SGCD: variants seen among roughly 807,000 people sequenced by gnomAD.
SGCD encodes sarcoglycan delta.
A neutral mutation model predicts 36.6 loss-of-function variants in SGCD; 18 were observed. The ratio of observed to expected loss-of-function variants is 0.49; its 90% CI spans 0.34 to 0.73. SGCD has a LOEUF of 0.73. SGCD is among the 30% of genes least tolerant of loss of function. The probability of loss-of-function intolerance (pLI) is 0.01; values close to 1 mark genes in which losing one functional copy is unlikely to be tolerated. For synonymous variants in SGCD, 133 were observed against 130.6 expected (o/e 1.02, Z -0.12); for missense variants, 387 against 346.7 (o/e 1.12, Z -0.92).
At chr5:156,728,163 C>T (rs73304925) in intron 7 of SGCD, among the ~76,000 whole-genome samples, 5,686 of 152,222 alleles carry the variant, frequency 0.037, 349 homozygotes, top group African/African-American at 0.13. Context: ...TCTCAGAGTC[C>T]ATTCTGAAAC....
intron 1 of SGCD, among the ~76,000 whole-genome samples, chr5:156,112,816 G>A (rs1005908304): frequency 2.6e-5 from 4 of 152,258 alleles, no homozygotes; most frequent in Non-Finnish European, 2.9e-5. Context: ...CCATACTGAG[G>A]TGATGAGGCT....
At chr5:156,275,182 A>G (rs1766283925) in intron 3 of SGCD, among the ~76,000 whole-genome samples, 1 of 152,114 alleles carries the variant, frequency 6.6e-6, no homozygotes, top group Admixed American at 6.6e-5. Context: ...AGAATAGGAA[A>G]ATAGGACAGA....
intron 1 of SGCD, among the ~76,000 whole-genome samples, chr5:156,104,350 A>G (rs77722566): frequency 0.014 from 2,148 of 152,298 alleles, 21 homozygotes; most frequent in Non-Finnish European, 0.023. Flanking sequence ...CTTACTCCAT[A>G]TTTGATCTTC....
intron 7 of SGCD, among the ~76,000 whole-genome samples, chr5:156,718,569 C>T (rs1755331363): frequency 6.6e-6 from 1 of 151,798 alleles, no homozygotes; most frequent in Admixed American, 6.6e-5. Context: ...CACTGGAGCC[C>T]AGGAGTTTGA....
chr5:156,109,000 A>C (rs1761717198), intron 1 of SGCD, among the ~76,000 whole-genome samples: 1 of 152,058 alleles, frequency 6.6e-6, no homozygotes, highest in African/African-American at 2.4e-5. Context: ...CTAGTAACCC[A>C]CCTCTCAAGA....
intron 1 of SGCD, among the ~76,000 whole-genome samples, chr5:155,976,930 A>G (rs1268006596): frequency 1.3e-5 from 2 of 152,072 alleles, no homozygotes; most frequent in Admixed American, 6.6e-5. Flanking sequence ...TTCATTTTCT[A>G]GACTCCAGCA....
chr5:156,739,097 C>T (rs1311994858), intron 7 of SGCD, among the ~76,000 whole-genome samples: 2 of 152,012 alleles, frequency 1.3e-5, no homozygotes, highest in Non-Finnish European at 2.9e-5. Flanking sequence ...GGTAACATAA[C>T]AAAATATGGC....
chr5:156,381,600 T>A (rs1770980832), intron 3 of SGCD, among the ~76,000 whole-genome samples: 1 of 152,068 alleles, frequency 6.6e-6, no homozygotes, highest in African/African-American at 2.4e-5. Context: ...ATAAAATTAA[T>A]CATTATGCAT....
chr5:156,398,685 C>T (rs78360632), intron 3 of SGCD, among the ~76,000 whole-genome samples: 2,243 of 152,284 alleles, frequency 0.015, 21 homozygotes, highest in Middle Eastern at 0.041. Flanking sequence ...GGAAATAATA[C>T]ATACCACTTA....
intron 3 of SGCD, among the ~76,000 whole-genome samples, chr5:156,384,901 A>G (rs1435887973): frequency 6.6e-6 from 1 of 152,142 alleles, no homozygotes; most frequent in Non-Finnish European, 1.5e-5. Context: ...TCCAAGGTGA[A>G]CCTGCAGTTC....
At chr5:156,361,977 C>G (rs1306465357) in intron 3 of SGCD, among the ~76,000 whole-genome samples, 1 of 152,140 alleles carries the variant, frequency 6.6e-6, no homozygotes, top group Non-Finnish European at 1.5e-5. Flanking sequence ...AGGAATGATA[C>G]TGAGACAGTC....
At chr5:156,422,657 C>A (rs537053596) in intron 3 of SGCD, among the ~76,000 whole-genome samples, 2 of 152,154 alleles carry the variant, frequency 1.3e-5, no homozygotes, top group South Asian at 4.1e-4. Flanking sequence ...GGTTTCTCAA[C>A]AACAGCACTT....
At chr5:156,629,909 T>C (rs2113528229) in intron 6 of SGCD, among the ~76,000 whole-genome samples, 2 of 148,958 alleles carry the variant, frequency 1.3e-5, no homozygotes, top group Middle Eastern at 3.5e-3. Flanking sequence ...TTGCCCAGGC[T>C]GGAGTGCAAT....
intron 6 of SGCD, among the ~76,000 whole-genome samples, chr5:156,617,777 G>A (rs1342571450): frequency 6.6e-6 from 1 of 152,196 alleles, no homozygotes; most frequent in African/African-American, 2.4e-5. Flanking sequence ...GAAGGCTCCA[G>A]GGGTGGTTTA....
chr5:156,340,393 A>G (rs550923828), intron 2 of SGCD, among the ~76,000 whole-genome samples: 3 of 152,284 alleles, frequency 2.0e-5, no homozygotes, highest in South Asian at 2.1e-4. Context: ...TCATGTCACC[A>G]TGCTTGGTGA....
At chr5:156,065,456 T>C (rs1760320171) in intron 1 of SGCD, among the ~76,000 whole-genome samples, 1 of 117,822 alleles carries the variant, frequency 8.5e-6, no homozygotes, top group African/African-American at 3.9e-5. Context: ...TTAGGTCTGC[T>C]TGGTGCAGAG....
the SGCD span, among the ~76,000 whole-genome samples, chr5:155,812,069 G>C: frequency 6.6e-6 from 1 of 152,142 alleles, no homozygotes; most frequent in Non-Finnish European, 1.5e-5. Flanking sequence ...ACAAAAGCTG[G>C]TTACAAACAA....
chr5:156,438,085 G>T, intron 3 of SGCD, among the ~76,000 whole-genome samples: 1 of 152,160 alleles, frequency 6.6e-6, no homozygotes, highest in East Asian at 1.9e-4. Context: ...GGAAATTTAA[G>T]TATCTCCGTT....
intron 1 of SGCD, among the ~76,000 whole-genome samples, chr5:155,993,350 T>C (rs1220328664): frequency 6.7e-6 from 1 of 149,324 alleles, no homozygotes; most frequent in Non-Finnish European, 1.5e-5. Flanking sequence ...TTTTTTTTTT[T>C]TTTTTTTTGA....
Sources: gnomAD v4.1 joint callset for allele counts (sites outside exome capture counted in the v4.1 genomes callset) on GRCh38, gnomAD v4.1.1 for gene constraint, MANE v1.5 for transcripts, NCBI Gene and HGNC (gene_info 2026-07-23, HGNC 2026-07-21) for gene names.